AGTPBP1: variants seen among roughly 807,000 people sequenced by gnomAD.
AGTPBP1 encodes the protein cytosolic carboxypeptidase 1.
In AGTPBP1, 70 loss-of-function variants were observed where a neutral mutation model predicts 143.9. That is an observed-to-expected ratio of 0.49 (90% CI 0.40 to 0.59). The LOEUF (loss-of-function observed/expected upper bound fraction) is 0.59. Ranked by LOEUF, AGTPBP1 falls within the 20% of genes least tolerant of loss-of-function variation. The pLI is 0.00. For missense variants in AGTPBP1, 1,229 were observed against 1,464.5 expected (o/e 0.84, Z 2.62); for synonymous variants, 463 against 500.2 (o/e 0.93, Z 0.99).
At chr9:85,772,254 G>T in the AGTPBP1 span, among the ~76,000 whole-genome samples, 13 of 152,170 alleles carry the variant, frequency 8.5e-5, no homozygotes, top group Admixed American at 6.5e-4. Context: ...GATTACAGGT[G>T]TGAGCCACCG....
chr9:85,619,955 C>T (rs576493124), intron 15 of AGTPBP1, among the ~76,000 whole-genome samples: 60 of 152,304 alleles, frequency 3.9e-4, no homozygotes, highest in African/African-American at 1.4e-3. Flanking sequence ...GTTTCTGTTT[C>T]TACCACTTCT....
At chr9:85,599,146 C>CAT (rs1216841044) in intron 17 of AGTPBP1, among the ~76,000 whole-genome samples, 1 of 149,740 alleles carries the variant, frequency 6.7e-6, no homozygotes, top group Non-Finnish European at 1.5e-5. Context: ...CACACACACA[C>CAT]ACACACACAG....
chr9:85,681,105 A>C (rs1835139360), intron 4 of AGTPBP1, among the ~76,000 whole-genome samples, 163 bp downstream of exon 4: 1 of 151,600 alleles, frequency 6.6e-6, no homozygotes, highest in South Asian at 2.1e-4. Context: ...ATTTCCATTT[A>C]CTGGCTTTAC....
chr9:85,683,359 T>C (rs1835305448), intron 3 of AGTPBP1, among the ~76,000 whole-genome samples: 1 of 152,202 alleles, frequency 6.6e-6, no homozygotes. Flanking sequence ...CTTGATGTAA[T>C]ATTTTAAAGG....
chr9:85,645,217 T>C (rs917675981), intron 12 of AGTPBP1, among the ~76,000 whole-genome samples: 3 of 152,170 alleles, frequency 2.0e-5, no homozygotes, highest in Non-Finnish European at 4.4e-5. Flanking sequence ...AATAATAAAA[T>C]GTATTTTGTT....
chr9:85,801,949 T>C, the AGTPBP1 span, among the ~76,000 whole-genome samples: 7 of 152,196 alleles, frequency 4.6e-5, no homozygotes, highest in Non-Finnish European at 8.8e-5. Flanking sequence ...TATATGTATG[T>C]ATGTATGTAT....
At chr9:85,742,402 T>C (rs554225009), upstream of AGTPBP1, among the ~76,000 whole-genome samples, 11 of 151,926 alleles carry the variant, frequency 7.2e-5, no homozygotes, top group South Asian at 1.9e-3. Flanking sequence ...GAAGGGTTCT[T>C]AAAGCTCCCC....
At chr9:85,759,402 A>G in the AGTPBP1 span, among the ~76,000 whole-genome samples, 1 of 152,180 alleles carries the variant, frequency 6.6e-6, no homozygotes, top group African/African-American at 2.4e-5. Flanking sequence ...GTAAAAGAAC[A>G]GAAATTATAA....
chr9:85,750,469 A>G, the AGTPBP1 span, among the ~76,000 whole-genome samples: 36 of 152,194 alleles, frequency 2.4e-4, no homozygotes, highest in Admixed American at 2.4e-3. Flanking sequence ...TGCTGGAAAT[A>G]TGGTGGAAAC....
At chr9:85,679,706 C>G (rs1433530584) in intron 4 of AGTPBP1, among the ~76,000 whole-genome samples, 1 of 152,202 alleles carries the variant, frequency 6.6e-6, no homozygotes, top group Non-Finnish European at 1.5e-5. Context: ...CCACACCCAG[C>G]CTTTAACTGA....
rs1272747622 is a variant in AGTPBP1, at chr9:85,646,333, A to G, written c.1173T>C (p.Asp391=). 6.2e-7 allele frequency: 1 copy of G among 1,612,266 alleles called. No homozygotes were observed. The highest frequency in any genetic ancestry group is 2.2e-5 in the East Asian group (1 of 44,770). ...AATTTATACTAACCTTAAAATTTTG[A>G]TCTAGGTCATCTTCATTCTCAGTTT... ...ENETENEDDL[D]QNFKNDDIET... Residue 391 remains aspartate (D), a synonymous_variant, in exon 12 of 26, where the codon GAT becomes GAC. Coordinates refer to ENST00000357081, the MANE Select transcript of AGTPBP1 (RefSeq NM_001330701.2).
the AGTPBP1 span, among the ~76,000 whole-genome samples, chr9:85,769,050 CAAAAAAA>C: frequency 3.3e-4 from 20 of 60,168 alleles, no homozygotes; most frequent in Admixed American, 2.3e-3. Flanking sequence ...GAGGCCCTGT[CAAAAAAA>C]AAAAAAAAAA....
chr9:85,755,532 G>A, the AGTPBP1 span, among the ~76,000 whole-genome samples: 1 of 152,020 alleles, frequency 6.6e-6, no homozygotes, highest in Non-Finnish European at 1.5e-5. Context: ...GTCTTCCACT[G>A]TGTGTATTCA....
intron 11 of AGTPBP1, among the ~76,000 whole-genome samples, chr9:85,654,767 C>T (rs1833388723): frequency 6.6e-6 from 1 of 151,640 alleles, no homozygotes; most frequent in Non-Finnish European, 1.5e-5. Context: ...TGCTTGAACA[C>T]GGGAGGCAGA....
At chr9:85,714,629 A>G (rs1837585623) in intron 1 of AGTPBP1, among the ~76,000 whole-genome samples, 1 of 152,172 alleles carries the variant, frequency 6.6e-6, no homozygotes, top group African/African-American at 2.4e-5. Context: ...ATAATCTCAC[A>G]CTGAAGATTT....
At chr9:85,690,203 T>C (rs1265299398) in intron 3 of AGTPBP1, among the ~76,000 whole-genome samples, 1 of 152,154 alleles carries the variant, frequency 6.6e-6, no homozygotes, top group African/African-American at 2.4e-5. Flanking sequence ...AAGAAAATTT[T>C]TGTACATTTC....
In AGTPBP1 at chr9:85,589,582, C is replaced by A; in HGVS notation, c.2668G>T (p.Val890Leu). Residue 890 changes from valine (V) to leucine (L), a missense_variant, in exon 20 of 26, where the codon GTG becomes TTG. Val to Leu is a conservative substitution (Grantham distance 32). Coordinates refer to ENST00000357081, the MANE Select transcript of AGTPBP1 (RefSeq NM_001330701.2). ...ETLSGNSCPL[V>L]TITAMPESNY... ...GACTCTGGCATTGCTGTTATAGTCA[C>A]CAAGGGGCAGCTGTTTCCAGACAGG... The A allele has an allele frequency of 6.2e-7, 1 of 1,613,518 alleles. No homozygotes were observed. The highest frequency in any genetic ancestry group is 1.1e-5 in the South Asian group (1 of 91,016).
chr9:85,695,212 A>C (rs1005772009), intron 2 of AGTPBP1, among the ~76,000 whole-genome samples: 1 of 152,192 alleles, frequency 6.6e-6, no homozygotes, highest in Non-Finnish European at 1.5e-5. Context: ...TACATTTCAC[A>C]TAACTATAGG....
rs1828829665 is a variant in AGTPBP1, at chr9:85,589,622, A to G, written c.2628T>C (p.Asp876=). 6.2e-7 allele frequency: 1 copy of G among 1,613,620 alleles called. No individual in the cohort carries two copies. The highest frequency in any genetic ancestry group is 1.6e-4 in the Middle Eastern group (1 of 6,062). The change falls in exon 20 of 26, where the codon GAT becomes GAC. Residue 876 remains aspartate, a synonymous_variant. Transcript: ENST00000357081. ...HNPQQIYFRK[D]VLCETLSGNS... The stretch of plus-strand genomic sequence containing the variant: ...TTCCAGACAGGGTTTCACATAACAC[A>G]TCTTTCCGAAAATAGATTTGCTGAG...
Sources: gnomAD v4.1 joint callset for allele counts (sites outside exome capture counted in the v4.1 genomes callset) on GRCh38, gnomAD v4.1.1 for gene constraint, MANE v1.5 for transcripts, NCBI Gene and HGNC (gene_info 2026-07-23, HGNC 2026-07-21) for gene names.